ADGRL3: variants seen among roughly 807,000 people sequenced by gnomAD.
ADGRL3 encodes calcium-independent alpha-latrotoxin receptor 3.
Under a neutral mutation model 153.5 loss-of-function variants are expected in ADGRL3, and 62 were observed. The ratio of observed to expected loss-of-function variants is 0.40; its 90% confidence interval spans 0.33 to 0.50. The LOEUF is 0.50. Ranked by LOEUF, ADGRL3 falls within the 20% of genes least tolerant of loss-of-function variation. ADGRL3 has a pLI of 0.47. For missense variants in ADGRL3, 1,641 were observed against 1,859.4 expected (o/e 0.88, Z 2.16); for synonymous variants, 710 against 672.5 (o/e 1.06, Z -0.86).
rs575876648 is a variant in ADGRL3, at chr4:61,399,736, A to G, written c.-174+16547A>G. ...GAGTGTTGGACTTAATGACTAAATT[A>G]TCCACTGAACTCTAAATGTTTAATA... On this transcript the variant is annotated intron_variant, in intron 2 of 26. Coordinates refer to ENST00000683033, the MANE Select transcript of ADGRL3 (RefSeq NM_001387552.1). Among the ~76,000 whole-genome samples, 3 of 151,848 alleles carry G rather than the reference A, an allele frequency of 2.0e-5. No homozygotes were observed. The South Asian group carries it at 6.2e-4, about 31-fold the overall frequency.
intron 16 of ADGRL3, among the ~76,000 whole-genome samples, chr4:61,947,703 G>A (rs527522790): frequency 5.6e-4 from 86 of 152,244 alleles, no homozygotes; most frequent in African/African-American, 1.9e-3. Context: ...TTATGTCCAC[G>A]TGAAGATATA....
At chr4:61,552,445 CT>C (rs2098744419) in intron 4 of ADGRL3, among the ~76,000 whole-genome samples, 1 of 152,064 alleles carries the variant, frequency 6.6e-6, no homozygotes, top group South Asian at 2.1e-4. Flanking sequence ...TGTCACTTGC[CT>C]TTTTAATTTT....
intron 6 of ADGRL3, among the ~76,000 whole-genome samples, chr4:61,685,431 A>G (rs779279719): frequency 2.0e-4 from 31 of 152,144 alleles, no homozygotes; most frequent in Admixed American, 2.6e-4. Flanking sequence ...ACTTCATGGT[A>G]AAAGAGAAGA....
In ADGRL3 at chr4:61,285,862, C is replaced by T. The variant is rs576891827; in HGVS notation, c.-240+84097C>T. On this transcript the variant is annotated intron_variant, in intron 1 of 26. Coordinates refer to ENST00000683033, the MANE Select transcript of ADGRL3 (RefSeq NM_001387552.1). ...ACTTGCTTTTACTTGACAGCTTTGA[C>T]ATAGGTTTCTACTTTACTTTTTTTT... Among the ~76,000 whole-genome samples the T allele has an allele frequency of 3.3e-5, 5 of 151,866 alleles. 1 individual carries two copies. The highest frequency in any genetic ancestry group is 1.2e-4 in the African/African-American group (5 of 41,528).
intron 23 of ADGRL3, among the ~76,000 whole-genome samples, chr4:62,032,009 G>A (rs868829968): frequency 6.7e-6 from 1 of 149,990 alleles, no homozygotes; most frequent in Non-Finnish European, 1.5e-5. Context: ...ATATATCACA[G>A]TATAGGAAAT....
intron 17 of ADGRL3, among the ~76,000 whole-genome samples, chr4:61,952,406 G>T (rs1023781797): frequency 6.6e-6 from 1 of 151,588 alleles, no homozygotes; most frequent in African/African-American, 2.4e-5. Context: ...TTGAGCCTGG[G>T]AGGTTGAGGC....
intron 19 of ADGRL3, among the ~76,000 whole-genome samples, chr4:61,996,033 A>G (rs2099120552): frequency 6.6e-6 from 1 of 151,982 alleles, no homozygotes; most frequent in Admixed American, 6.6e-5. Flanking sequence ...AGTTTCTATG[A>G]CAGACACAAA....
intron 4 of ADGRL3, among the ~76,000 whole-genome samples, chr4:61,528,880 A>C (rs772412122): frequency 1.2e-4 from 19 of 152,144 alleles, no homozygotes; most frequent in Non-Finnish European, 1.9e-4. Flanking sequence ...AGGTAGTAGC[A>C]CAAGGCTTAC....
chr4:61,666,798 G>A (rs1177238121), intron 5 of ADGRL3, among the ~76,000 whole-genome samples: 4 of 152,036 alleles, frequency 2.6e-5, no homozygotes, highest in Non-Finnish European at 4.4e-5. Context: ...AACTCATTTG[G>A]TTAACCATAC....
intron 1 of ADGRL3, among the ~76,000 whole-genome samples, chr4:61,318,099 C>T (rs1047187198): frequency 1.3e-5 from 2 of 150,032 alleles, no homozygotes; most frequent in Admixed American, 1.3e-4. Flanking sequence ...ATCACTTGAA[C>T]CTGGGGGGCG....
At chr4:61,974,116 C>T (rs1384491811) in intron 17 of ADGRL3, among the ~76,000 whole-genome samples, 1 of 151,996 alleles carries the variant, frequency 6.6e-6, no homozygotes, top group African/African-American at 2.4e-5. Flanking sequence ...TACAGGCACC[C>T]TCCACCCTGT....
At chr4:61,993,992 G>T (rs1400156461) in intron 19 of ADGRL3, among the ~76,000 whole-genome samples, 1 of 152,022 alleles carries the variant, frequency 6.6e-6, no homozygotes, top group Non-Finnish European at 1.5e-5. Flanking sequence ...TTTCGAACAG[G>T]TTTATTGTGT....
At chr4:61,701,960 T>C (rs1298974032) in intron 6 of ADGRL3, among the ~76,000 whole-genome samples, 1 of 151,890 alleles carries the variant, frequency 6.6e-6, no homozygotes, top group African/African-American at 2.4e-5. Context: ...GGATAAGGAA[T>C]AAAAAAATGA....
intron 17 of ADGRL3, among the ~76,000 whole-genome samples, chr4:61,972,479 G>A (rs1254884964): frequency 4.6e-5 from 7 of 152,052 alleles, no homozygotes; most frequent in South Asian, 2.1e-4. Context: ...GATATGCGGT[G>A]TTATTTCTGA....
At chr4:61,363,348 T>TC (rs1432081992) in intron 1 of ADGRL3, among the ~76,000 whole-genome samples, 2 of 152,000 alleles carry the variant, frequency 1.3e-5, no homozygotes, top group African/African-American at 2.4e-5. Context: ...AATTTTTTTT[T>TC]TTTTGGATTT....
At chr4:61,543,683 G>A (rs1012037129) in intron 4 of ADGRL3, among the ~76,000 whole-genome samples, 6 of 152,218 alleles carry the variant, frequency 3.9e-5, no homozygotes, top group Non-Finnish European at 8.8e-5. Flanking sequence ...TACTTTCAAA[G>A]TTTACTTAAA....
intron 4 of ADGRL3, among the ~76,000 whole-genome samples, chr4:61,557,684 G>A (rs1263509703): frequency 6.6e-6 from 1 of 152,040 alleles, no homozygotes; most frequent in Non-Finnish European, 1.5e-5. Context: ...ATTAATAAGA[G>A]CACTCAAACA....
chr4:61,466,509 C>T (rs2097886232), intron 2 of ADGRL3, among the ~76,000 whole-genome samples: 3 of 152,116 alleles, frequency 2.0e-5, no homozygotes, highest in African/African-American at 7.2e-5. Context: ...TCAGATTATG[C>T]ATGAATGTAT....
At chr4:61,386,905 AATGAATTCAGTCCGTGCAACAT>A (rs1287397534) in intron 2 of ADGRL3, among the ~76,000 whole-genome samples, 1 of 152,212 alleles carries the variant, frequency 6.6e-6, no homozygotes, top group Non-Finnish European at 1.5e-5. Flanking sequence ...TTTTATATAT[AATGAATTCAGTCCGTGCAACAT>A]ATGAATGTGT....
Sources: gnomAD v4.1 joint callset for allele counts (sites outside exome capture counted in the v4.1 genomes callset) on GRCh38, gnomAD v4.1.1 for gene constraint, MANE v1.5 for transcripts, NCBI Gene and HGNC (gene_info 2026-07-23, HGNC 2026-07-21) for gene names.